Variants in VWA8 observed in about 807,000 individuals in gnomAD.
The protein encoded by VWA8 is von Willebrand factor A domain containing 8, also known as von Willebrand factor A domain-containing protein 8.
VWA8 carries 221 observed loss-of-function variants against 241.5 expected under a neutral mutation model. That is an observed-to-expected ratio of 0.91 (90% confidence interval 0.82 to 1.02). The LOEUF (loss-of-function observed/expected upper bound fraction) is 1.02, where lower values mean the gene tolerates loss of function less well. Among genes scored for constraint, VWA8 ranks in the 50% least tolerant of loss-of-function variants. The probability of loss-of-function intolerance (pLI) is 0.00; values close to 1 mark genes in which losing one functional copy is unlikely to be tolerated. For synonymous variants in VWA8, 852 were observed against 827.1 expected (o/e 1.03, Z -0.52); for missense variants, 2,322 against 2,328.7 (o/e 1.00, Z 0.06).
intron 34 of VWA8, 49 bp from the exon 35 acceptor site, chr13:41,685,291 C>A (rs764587038): frequency 9.1e-6 from 14 of 1,541,038 alleles, no homozygotes; most frequent in Non-Finnish European, 1.1e-5. Flanking sequence ...ATACTACATT[C>A]ACCACAACCT....
chr13:41,950,008 T>C lies in VWA8; in HGVS notation c.169A>G (p.Thr57Ala). ...TAGGATACATCTCCAATATTAACTG[T>C]ATCACCTAAAAAGAGATTTTAAAAA... ...HAGSGADTGD[T>A]VNIGDVSYKL... The change falls in exon 2 of 45, where the codon ACA becomes GCA. Residue 57 changes from threonine to alanine, a missense_variant. By Grantham distance (58) the Thr-to-Ala change is moderately conservative. Transcript: ENST00000379310. 4 of 1,566,392 alleles carry C rather than the reference T, an allele frequency of 2.6e-6. No homozygotes were observed. The highest frequency in any genetic ancestry group is 3.5e-6 in the Non-Finnish European group (4 of 1,150,202).
chr13:41,789,175 G>GC (rs774763110), intron 17 of VWA8, among the ~76,000 whole-genome samples: 15 of 152,130 alleles, frequency 9.9e-5, no homozygotes, highest in Non-Finnish European at 1.6e-4. Context: ...AACATATCAG[G>GC]CGGTGTAAGG....
intron 40 of VWA8, among the ~76,000 whole-genome samples, chr13:41,603,318 A>C (rs7989696): frequency 0.47 from 71,642 of 151,918 alleles, 17,794 homozygotes; most frequent in South Asian, 0.66. Flanking sequence ...AATTCTAACC[A>C]AGGCTTCATT....
intron 37 of VWA8, among the ~76,000 whole-genome samples, chr13:41,668,523 T>C (rs2045001705): frequency 6.6e-6 from 1 of 152,134 alleles, no homozygotes; most frequent in Non-Finnish European, 1.5e-5. Flanking sequence ...AAATGAAGAA[T>C]AGCTTGAAAG....
At chr13:41,736,884 C>A (rs2045529655) in intron 21 of VWA8, among the ~76,000 whole-genome samples, 1 of 143,278 alleles carries the variant, frequency 7.0e-6, no homozygotes, top group African/African-American at 2.6e-5. Context: ...CGCTTTGTCA[C>A]CTATGCTGGA....
At chr13:41,868,000 G>C (rs1873391877) in intron 10 of VWA8, among the ~76,000 whole-genome samples, 1 of 152,074 alleles carries the variant, frequency 6.6e-6, no homozygotes. Context: ...GTTTCACATA[G>C]CTAAGAAAGA....
At chr13:41,829,800 G>A (rs1871349665) in intron 14 of VWA8, among the ~76,000 whole-genome samples, 1 of 152,008 alleles carries the variant, frequency 6.6e-6, no homozygotes, top group Admixed American at 6.6e-5. Context: ...AGCTTGTGGG[G>A]GGCGGTGAGG....
chr13:41,826,830 T>C (rs1871193494), intron 14 of VWA8, among the ~76,000 whole-genome samples: 1 of 151,996 alleles, frequency 6.6e-6, no homozygotes, highest in Non-Finnish European at 1.5e-5. Flanking sequence ...GCCGAGATTG[T>C]GCCACTGCAC....
chr13:41,592,272 C>T (rs2044460416), intron 40 of VWA8, among the ~76,000 whole-genome samples: 1 of 125,220 alleles, frequency 8.0e-6, no homozygotes, highest in Non-Finnish European at 1.6e-5. Context: ...ACAATGAGAT[C>T]ACATGGACAC....
At chr13:41,691,533 A>C (rs2045177586) in intron 31 of VWA8, 88 bp from the exon 32 acceptor site, 55 of 1,438,580 alleles carry the variant, frequency 3.8e-5, no homozygotes, top group Non-Finnish European at 4.9e-5. Context: ...TACATTATGC[A>C]ACCCATAAAA....
intron 21 of VWA8, among the ~76,000 whole-genome samples, chr13:41,733,137 G>T (rs957292869): frequency 2.0e-5 from 3 of 151,830 alleles, no homozygotes; most frequent in African/African-American, 7.3e-5. Flanking sequence ...AGACCTGGAC[G>T]TTATACTTGT....
intron 20 of VWA8, among the ~76,000 whole-genome samples, chr13:41,761,739 G>A (rs1805506945): frequency 6.6e-6 from 1 of 151,998 alleles, no homozygotes. Flanking sequence ...AAACCAAGGT[G>A]TATTAATAAA....
intron 14 of VWA8, among the ~76,000 whole-genome samples, chr13:41,825,455 A>G (rs1241504581): frequency 2.7e-5 from 4 of 149,982 alleles, no homozygotes; most frequent in Non-Finnish European, 4.4e-5. Flanking sequence ...TATTCTACAA[A>G]TTAGTAGAAG....
At chr13:41,601,850 G>C (rs2044523973) in intron 40 of VWA8, among the ~76,000 whole-genome samples, 1 of 152,032 alleles carries the variant, frequency 6.6e-6, no homozygotes, top group African/African-American at 2.4e-5. Context: ...ATCCCACCTG[G>C]AATCAATGAG....
chr13:41,691,390 G>A lies in VWA8; in HGVS notation c.3796C>T (p.Pro1266Ser). 1 of 1,612,860 alleles carries A rather than the reference G, an allele frequency of 6.2e-7. No homozygotes were observed. The highest frequency in any genetic ancestry group is 8.5e-7 in the Non-Finnish European group (1 of 1,179,112). Reference protein sequence around the residue: ...LEGRTHTISLPINLKTVFLVA... With the variant: ...LEGRTHTISLSINLKTVFLVA... ...AGGAAAACTGTCTTGAGGTTGATGG[G>A]AAGTGAGATGGTGTGAGTTCGCCCT... The change falls in exon 32 of 45, where the codon CCC becomes TCC. Residue 1266 changes from proline to serine, a missense_variant. Pro to Ser is a moderately conservative substitution (Grantham distance 74). Transcript: ENST00000379310.
At position 41,885,030 on chromosome 13, in the gene VWA8, CTA is replaced by C. The variant is rs1874455492; in HGVS notation, c.975+888_975+889del. On this transcript the variant is annotated intron_variant, in intron 8 of 44. Transcript: ENST00000379310. ...TCTCACTGAGTGTTACAAAAGCTTC[CTA>C]GTCATTCCCTCACTTCCAACAAAGG... 4.6e-5 allele frequency among the ~76,000 whole-genome samples: 7 copies of C among 152,266 alleles called. No homozygotes were observed. The South Asian group carries it at 1.4e-3, about 32-fold the overall frequency.
At chr13:41,869,980 G>A (rs577941683) in intron 9 of VWA8, among the ~76,000 whole-genome samples, 1 of 152,166 alleles carries the variant, frequency 6.6e-6, no homozygotes, top group East Asian at 1.9e-4. Flanking sequence ...CAGAATGAAA[G>A]AACTCCAGAA....
chr13:41,688,671 T>C (rs1183811242), intron 34 of VWA8, among the ~76,000 whole-genome samples: 1 of 152,174 alleles, frequency 6.6e-6, no homozygotes. Flanking sequence ...TTCATGACTG[T>C]TGAAAATTTT....
intron 29 of VWA8, among the ~76,000 whole-genome samples, chr13:41,698,213 T>C (rs1486297768): frequency 6.6e-6 from 1 of 152,262 alleles, no homozygotes; most frequent in East Asian, 1.9e-4. Flanking sequence ...TGGGTATTTT[T>C]GGTCACTGCA....
Sources: allele counts gnomAD v4.1 joint callset (sites outside exome capture counted in the v4.1 genomes callset), GRCh38; gene constraint gnomAD v4.1.1; transcripts MANE v1.5; gene names NCBI Gene and HGNC (gene_info 2026-07-23, HGNC 2026-07-21).